DPP6: variants seen among roughly 807,000 people sequenced by gnomAD.
The protein encoded by DPP6 is A-type potassium channel modulatory protein DPP6.
DPP6 carries 69 observed loss-of-function variants against 122.6 expected under a neutral mutation model. That is an observed-to-expected ratio of 0.56 (90% CI 0.46 to 0.69). The LOEUF is 0.69. Among genes scored for constraint, DPP6 ranks in the 30% least tolerant of loss-of-function variants. The pLI, the probability that DPP6 is intolerant of heterozygous loss-of-function variation, is 0.00. For synonymous variants in DPP6, 418 were observed against 433.1 expected, an observed-to-expected ratio of 0.97 and a Z score of 0.43; for missense variants, 928 against 1,116.9, an observed-to-expected ratio of 0.83 and a Z score of 2.41.
chr7:154,190,762 G>A (rs114380350), intron 1 of DPP6, among the ~76,000 whole-genome samples: 1 of 152,026 alleles, frequency 6.6e-6, no homozygotes, highest in Non-Finnish European at 1.5e-5. Context: ...AATTCACCTG[G>A]TATTCTGGCA....
chr7:154,562,061 A>G, intron 4 of DPP6, among the ~76,000 whole-genome samples: 1 of 152,282 alleles, frequency 6.6e-6, no homozygotes, highest in South Asian at 2.1e-4. Flanking sequence ...GACAAATAGA[A>G]GAGGAGGAAG....
intron 1 of DPP6, among the ~76,000 whole-genome samples, chr7:153,900,217 A>G (rs1461641275): frequency 6.9e-6 from 1 of 145,436 alleles, no homozygotes; most frequent in Non-Finnish European, 1.5e-5. Context: ...TTCGTGGCTC[A>G]GTACTTTCTC....
At chr7:154,873,406 TCAAGAC>T (rs1472284055) in intron 19 of DPP6, among the ~76,000 whole-genome samples, 1 of 152,108 alleles carries the variant, frequency 6.6e-6, no homozygotes, top group Non-Finnish European at 1.5e-5. Flanking sequence ...GTCTGTACTT[TCAAGAC>T]CACGGAGCAG....
At chr7:154,587,789 G>A in intron 5 of DPP6, 2 of 1,611,452 alleles carry the variant, frequency 1.2e-6, no homozygotes, top group Non-Finnish European at 1.7e-6. Context: ...CCTCTTCACT[G>A]CCTGCGTGAC....
chr7:154,333,859 C>G (rs1432284915), intron 1 of DPP6, among the ~76,000 whole-genome samples: 1 of 152,120 alleles, frequency 6.6e-6, no homozygotes, highest in African/African-American at 2.4e-5. Flanking sequence ...TTTATATCAG[C>G]CTTTTAAAAA....
intron 1 of DPP6, among the ~76,000 whole-genome samples, chr7:154,342,777 A>G (rs915802913): frequency 6.6e-6 from 1 of 152,216 alleles, no homozygotes; most frequent in Admixed American, 6.5e-5. Context: ...CGAGATTCCA[A>G]ATGACAGCAG....
intron 17 of DPP6, among the ~76,000 whole-genome samples, chr7:154,867,271 C>T (rs150492948): frequency 5.3e-4 from 80 of 152,268 alleles, no homozygotes; most frequent in Non-Finnish European, 1.0e-3. Flanking sequence ...AGTACATGAA[C>T]GGAGAGTTCC....
chr7:154,886,646 G>A (rs1363465962), intron 22 of DPP6, among the ~76,000 whole-genome samples: 1 of 152,234 alleles, frequency 6.6e-6, no homozygotes, highest in Non-Finnish European at 1.5e-5. Context: ...GCTGGCAAGT[G>A]AGGTGGAAAT....
At chr7:154,437,708 G>A (rs1256456415) in intron 1 of DPP6, among the ~76,000 whole-genome samples, 1 of 152,190 alleles carries the variant, frequency 6.6e-6, no homozygotes, top group Non-Finnish European at 1.5e-5. Flanking sequence ...GGCTGAGGTG[G>A]GCGGATCCCT....
At chr7:153,930,114 A>G (rs1170576280) in intron 1 of DPP6, among the ~76,000 whole-genome samples, 1 of 152,218 alleles carries the variant, frequency 6.6e-6, no homozygotes, top group African/African-American at 2.4e-5. Context: ...CTGGGTATTA[A>G]TGGAATGAAA....
intron 7 of DPP6, among the ~76,000 whole-genome samples, chr7:154,717,381 AACACAC>A (rs147112173): frequency 6.7e-6 from 1 of 149,378 alleles, no homozygotes; most frequent in East Asian, 2.0e-4. Context: ...CTTGCACACA[AACACAC>A]ACACACACAC....
chr7:154,639,076 A>G (rs1340929237), intron 6 of DPP6, among the ~76,000 whole-genome samples: 3 of 152,248 alleles, frequency 2.0e-5, no homozygotes, highest in Non-Finnish European at 4.4e-5. Flanking sequence ...ATAGGTGAGC[A>G]TTAATCACAG....
chr7:154,749,945 A>G (rs1465435399), intron 8 of DPP6, among the ~76,000 whole-genome samples: 1 of 134,888 alleles, frequency 7.4e-6, no homozygotes, highest in African/African-American at 2.9e-5. Context: ...GAGAGAGCAT[A>G]GGACGGGAAA....
intron 1 of DPP6, among the ~76,000 whole-genome samples, chr7:154,290,100 C>A (rs1805108774): frequency 6.6e-6 from 1 of 152,114 alleles, no homozygotes; most frequent in African/African-American, 2.4e-5. Context: ...AGGAAAAGTA[C>A]AAATGAAAGG....
the DPP6 span, among the ~76,000 whole-genome samples, chr7:153,855,590 G>A: frequency 6.6e-6 from 1 of 152,114 alleles, no homozygotes; most frequent in Non-Finnish European, 1.5e-5. Flanking sequence ...GGTTAGCTTA[G>A]TGATCAGCTG....
At chr7:154,551,371 A>AT (rs1829623358) in intron 4 of DPP6, among the ~76,000 whole-genome samples, 1 of 152,084 alleles carries the variant, frequency 6.6e-6, no homozygotes, top group African/African-American at 2.4e-5. Flanking sequence ...AAAAAGCAAA[A>AT]TTTTTGTGCT....
chr7:154,401,796 C>G (rs563912180), intron 1 of DPP6, among the ~76,000 whole-genome samples: 1 of 152,160 alleles, frequency 6.6e-6, no homozygotes, highest in South Asian at 2.1e-4. Flanking sequence ...AAACTACCAT[C>G]GGAGTGAACA....
At chr7:154,723,731 C>T (rs1398273155) in intron 7 of DPP6, among the ~76,000 whole-genome samples, 3 of 152,304 alleles carry the variant, frequency 2.0e-5, no homozygotes, top group South Asian at 4.2e-4. Context: ...ATATTCATGC[C>T]ATTTCCTGTA....
At chr7:154,791,777 G>A (rs557753117) in intron 10 of DPP6, among the ~76,000 whole-genome samples, 14 of 152,272 alleles carry the variant, frequency 9.2e-5, no homozygotes, top group South Asian at 2.1e-4. Context: ...GTGACTCCGC[G>A]GGCCATGTCA....
Sources: allele counts gnomAD v4.1 joint callset (sites outside exome capture counted in the v4.1 genomes callset), GRCh38; gene constraint gnomAD v4.1.1; transcripts MANE v1.5; gene names NCBI Gene and HGNC (gene_info 2026-07-23, HGNC 2026-07-21).